The following SARNP variants were observed in gnomAD, a reference collection of about 807,000 sequenced individuals.
The protein encoded by SARNP is SAP domain-containing ribonucleoprotein.
In SARNP, 5 loss-of-function variants were observed where a neutral mutation model predicts 38.1. The observed-to-expected ratio is 0.13, with a 90% CI of 0.07 to 0.28. The LOEUF is 0.28. SARNP is among the 10% of genes least tolerant of loss of function. SARNP has a pLI of 1.00. For synonymous variants in SARNP, 84 were observed against 80.6 expected (o/e 1.04, Z -0.23); for missense variants, 180 against 243.9 (o/e 0.74, Z 1.75).
At chr12:55,809,188 A>G (rs924741225) in intron 1 of SARNP, among the ~76,000 whole-genome samples, 12 of 152,066 alleles carry the variant, frequency 7.9e-5, no homozygotes, top group African/African-American at 2.9e-4. Flanking sequence ...CCTGGGTAAC[A>G]AAGGGAGACC....
At chr12:55,784,885 T>C (rs1879445539) in intron 9 of SARNP, among the ~76,000 whole-genome samples, 1 of 152,230 alleles carries the variant, frequency 6.6e-6, no homozygotes, top group Non-Finnish European at 1.5e-5. Context: ...AAATGGGATC[T>C]ATACTCACAG....
intron 1 of SARNP, among the ~76,000 whole-genome samples, chr12:55,814,088 CA>C (rs1880412308): frequency 6.6e-6 from 1 of 152,100 alleles, no homozygotes; most frequent in Non-Finnish European, 1.5e-5. Context: ...AAAATAAGGC[CA>C]CAGTAGTTGA....
At chr12:55,781,170 A>G (rs1212748516) in intron 9 of SARNP, among the ~76,000 whole-genome samples, 12 of 152,198 alleles carry the variant, frequency 7.9e-5, no homozygotes, top group African/African-American at 2.9e-4. Flanking sequence ...GTTAGCTACA[A>G]TGAAATCTGT....
chr12:55,816,306 T>C (rs1232487550), intron 1 of SARNP, among the ~76,000 whole-genome samples: 1 of 152,228 alleles, frequency 6.6e-6, no homozygotes, highest in Non-Finnish European at 1.5e-5. Context: ...AGTCCAGAAG[T>C]ATACAATTTC....
chr12:55,812,383 C>T (rs1880353026), intron 1 of SARNP, among the ~76,000 whole-genome samples: 1 of 152,114 alleles, frequency 6.6e-6, no homozygotes, highest in Non-Finnish European at 1.5e-5. Context: ...TTTTGCCTTC[C>T]CTCAGTAAAA....
chr12:55,766,747 C>T (rs1878848712), intron 9 of SARNP, among the ~76,000 whole-genome samples: 1 of 151,866 alleles, frequency 6.6e-6, no homozygotes. Flanking sequence ...CTCAGCCTTC[C>T]AAGCAGCTGG....
chr12:55,767,825 C>A (rs1196439629), intron 9 of SARNP, among the ~76,000 whole-genome samples: 7 of 116,738 alleles, frequency 6.0e-5, no homozygotes, highest in South Asian at 6.1e-4. Flanking sequence ...CCAGCCTAGG[C>A]AACAGAGCGA....
chr12:55,788,100 C>A (rs1879558456), intron 9 of SARNP, among the ~76,000 whole-genome samples: 1 of 152,198 alleles, frequency 6.6e-6, no homozygotes, highest in Non-Finnish European at 1.5e-5. Flanking sequence ...CCTGCCACCA[C>A]TTTGACAACC....
intron 9 of SARNP, among the ~76,000 whole-genome samples, chr12:55,780,951 G>A (rs1011545707): frequency 2.0e-5 from 3 of 152,126 alleles, no homozygotes; most frequent in African/African-American, 7.2e-5. Flanking sequence ...CTGAAACAAC[G>A]GAAAGCACAA....
At chr12:55,812,032 G>A (rs949041455) in intron 1 of SARNP, among the ~76,000 whole-genome samples, 5 of 152,126 alleles carry the variant, frequency 3.3e-5, no homozygotes, top group African/African-American at 1.2e-4. Context: ...CACTCCTCTA[G>A]TCAAACATCA....
chr12:55,801,798 C>T (rs1879987024), intron 2 of SARNP, among the ~76,000 whole-genome samples: 1 of 151,974 alleles, frequency 6.6e-6, no homozygotes, highest in African/African-American at 2.4e-5. Context: ...TATTATTTTT[C>T]TTAGAGATGG....
intron 1 of SARNP, among the ~76,000 whole-genome samples, chr12:55,809,076 T>C (rs1252498745): frequency 1.3e-5 from 2 of 151,682 alleles, no homozygotes; most frequent in African/African-American, 2.4e-5. Context: ...CATGGTGGCA[T>C]GTGCCTGTAG....
At chr12:55,799,490 T>C (rs968781450) in intron 4 of SARNP, among the ~76,000 whole-genome samples, 4 of 151,126 alleles carry the variant, frequency 2.6e-5, no homozygotes, top group Non-Finnish European at 2.9e-5. Flanking sequence ...AACAGAGTGC[T>C]ACTTCAGAAA....
intron 9 of SARNP, among the ~76,000 whole-genome samples, chr12:55,785,773 C>A (rs1289422952): frequency 6.8e-6 from 1 of 147,236 alleles, no homozygotes; most frequent in Non-Finnish European, 1.5e-5. Flanking sequence ...AAAACCCTGT[C>A]TCAGACAAAA....
intron 7 of SARNP, among the ~76,000 whole-genome samples, chr12:55,791,152 A>G (rs1016821873): frequency 6.6e-6 from 1 of 152,252 alleles, no homozygotes; most frequent in African/African-American, 2.4e-5. Flanking sequence ...CCATGGAGAA[A>G]AAAACCTCAG....
At chr12:55,756,693 T>G (rs895865224), downstream of SARNP, 7 of 152,260 alleles carry the variant, frequency 4.6e-5, no homozygotes, top group African/African-American at 1.7e-4. Flanking sequence ...CCAGTTCCAC[T>G]GCTTATGTTC....
chr12:55,754,234 TG>T (rs1878431946), downstream of SARNP: 1 of 152,234 alleles, frequency 6.6e-6, no homozygotes, highest in Non-Finnish European at 1.5e-5. Flanking sequence ...TCTCTCCCTG[TG>T]GCTCATTTGT....
At chr12:55,807,582 C>T (rs1880188056) in intron 1 of SARNP, among the ~76,000 whole-genome samples, 1 of 148,400 alleles carries the variant, frequency 6.7e-6, no homozygotes, top group Admixed American at 6.8e-5. Flanking sequence ...GCAGGCGGAT[C>T]ATGAGGTCAG....
intron 1 of SARNP, among the ~76,000 whole-genome samples, chr12:55,805,882 A>G (rs1009802186): frequency 6.6e-6 from 1 of 151,758 alleles, no homozygotes; most frequent in African/African-American, 2.4e-5. Flanking sequence ...AATATAAAAT[A>G]CAAAACTAGC....
Sources: gnomAD v4.1 joint callset for allele counts (sites outside exome capture counted in the v4.1 genomes callset) on GRCh38, gnomAD v4.1.1 for gene constraint, MANE v1.5 for transcripts, NCBI Gene and HGNC (gene_info 2026-07-23, HGNC 2026-07-21) for gene names.